Variants in TXNRD2 observed in about 807,000 individuals in gnomAD.
TXNRD2 encodes the protein thioredoxin reductase 2.
Under a neutral mutation model 70.8 loss-of-function variants are expected in TXNRD2, and 67 were observed. The ratio of observed to expected loss-of-function variants is 0.95; its 90% CI spans 0.78 to 1.16. The LOEUF (loss-of-function observed/expected upper bound fraction) is 1.16, where lower values mean the gene tolerates loss of function less well. Among genes scored for constraint, TXNRD2 ranks in the 50% most tolerant of loss-of-function variants. The pLI is 0.00. For missense variants in TXNRD2, 644 were observed against 719.9 expected (o/e 0.89, Z 1.21); for synonymous variants, 301 against 295.8 (o/e 1.02, Z -0.18).
At chr22:19,914,524 G>T (rs1940548295) in intron 7 of TXNRD2, among the ~76,000 whole-genome samples, 2 of 152,154 alleles carry the variant, frequency 1.3e-5, no homozygotes, top group South Asian at 2.1e-4. Flanking sequence ...GTCACTAAGG[G>T]ACACACACGT....
chr22:19,896,098 T>A (rs1002384251), intron 10 of TXNRD2, among the ~76,000 whole-genome samples: 2 of 151,902 alleles, frequency 1.3e-5, no homozygotes, highest in African/African-American at 4.8e-5. Flanking sequence ...GAGATAGAGA[T>A]CATCCTGGCT....
At chr22:19,914,876 G>A (rs568578226) in intron 7 of TXNRD2, 45 of 374,438 alleles carry the variant, frequency 1.2e-4, no homozygotes, top group African/African-American at 9.1e-4. Context: ...CTTATATCCT[G>A]AATGTTCCAA....
intron 9 of TXNRD2, 27 bp from the exon 10 acceptor site, chr22:19,898,157 G>A (rs749973189): frequency 1.3e-6 from 2 of 1,548,460 alleles, no homozygotes; most frequent in Non-Finnish European, 1.7e-6. Context: ...AAGGAGCACT[G>A]TAGATCCCAA....
Position 19,894,780 on chromosome 22 carries a change from G to A in TXNRD2, c.949+627C>T, listed in dbSNP as rs1051937903. The A allele has an allele frequency of 1.3e-5, 4 of 318,732 alleles. No homozygotes were observed. The Admixed American group carries it at 1.5e-4, about 12-fold the overall frequency. 19.7% of individuals were successfully genotyped at this position (318,732 alleles called of 1,614,324 possible). ...CAAGGCAGGTGGATCACAAGGTCAG[G>A]AGATTGAGACCATCCTGGCCTACAT... On this transcript the variant is annotated intron_variant, in intron 11 of 17. Transcript: ENST00000400521.
chr22:19,910,302 T>C (rs1347139350), intron 8 of TXNRD2, among the ~76,000 whole-genome samples: 1 of 152,214 alleles, frequency 6.6e-6, no homozygotes, highest in Non-Finnish European at 1.5e-5. Context: ...ACAATCAAGA[T>C]GTTGTTTCTG....
chr22:19,930,891 G>C, intron 2 of TXNRD2, 139 bp downstream of exon 2: 2 of 768,544 alleles, frequency 2.6e-6, no homozygotes, highest in African/African-American at 1.7e-5. Flanking sequence ...CAGGGAACAA[G>C]CCACAACACA....
intron 8 of TXNRD2, among the ~76,000 whole-genome samples, chr22:19,910,547 T>C (rs1345044068): frequency 6.6e-6 from 1 of 152,180 alleles, no homozygotes; most frequent in Non-Finnish European, 1.5e-5. Context: ...CTGTTATTGT[T>C]ATTACCTCCA....
intron 5 of TXNRD2, chr22:19,916,235 CA>C (rs1329830275): frequency 3.4e-6 from 1 of 291,140 alleles, no homozygotes; most frequent in Non-Finnish European, 6.7e-6. Context: ...CTTCTGATTT[CA>C]GGGGTGTGGT....
intron 2 of TXNRD2, among the ~76,000 whole-genome samples, chr22:19,928,457 G>A (rs950703581): frequency 6.6e-6 from 1 of 152,220 alleles, no homozygotes; most frequent in African/African-American, 2.4e-5. Flanking sequence ...CTGAGTGAAA[G>A]AAGCCAGAAG....
At chr22:19,879,509 G>A (rs1938658053) in intron 14 of TXNRD2, among the ~76,000 whole-genome samples, 1 of 145,812 alleles carries the variant, frequency 6.9e-6, no homozygotes, top group South Asian at 2.4e-4. Context: ...GCCTGAGCCT[G>A]GAAGAAGCTG....
At chr22:19,940,872 C>T (rs1435688474) in intron 1 of TXNRD2, among the ~76,000 whole-genome samples, 1 of 152,154 alleles carries the variant, frequency 6.6e-6, no homozygotes, top group Non-Finnish European at 1.5e-5. Flanking sequence ...TCCATAGCAC[C>T]AACTCTGCCC....
chr22:19,930,351 T>A (rs1941310928), intron 2 of TXNRD2, among the ~76,000 whole-genome samples: 1 of 152,050 alleles, frequency 6.6e-6, no homozygotes, highest in African/African-American at 2.4e-5. Context: ...CTCTTATCAT[T>A]GTGTAGACAT....
intron 11 of TXNRD2, among the ~76,000 whole-genome samples, chr22:19,885,225 C>G (rs1471188126): frequency 6.6e-6 from 1 of 152,200 alleles, no homozygotes; most frequent in African/African-American, 2.4e-5. Flanking sequence ...CCCAGGTGCT[C>G]TCGGCTCCCA....
chr22:19,933,463 TG>T (rs1437930352), intron 1 of TXNRD2: 1 of 1,289,636 alleles, frequency 7.8e-7, no homozygotes, highest in Non-Finnish European at 1.0e-6. Context: ...TCCTTCTTGT[TG>T]CCATAGCAGG....
intron 12 of TXNRD2, chr22:19,881,016 C>T: frequency 1.8e-6 from 1 of 547,872 alleles, no homozygotes. Flanking sequence ...CTCTCCAAAC[C>T]CCTTCTGCAC....
At chr22:19,930,989 A>C in intron 2 of TXNRD2, 41 bp downstream of exon 2, 2 of 1,597,752 alleles carry the variant, frequency 1.3e-6, no homozygotes, top group Non-Finnish European at 1.7e-6. Context: ...AGGGGCCCTA[A>C]AAGCTTCGAG....
rs1487936380 is a variant in TXNRD2, at chr22:19,875,811, CCAA to C, written c.*66-7_*66-5del. 1 of 152,316 alleles carries C rather than the reference CCAA, an allele frequency of 6.6e-6. No individual in the cohort carries two copies. The highest frequency in any genetic ancestry group is 1.5e-5 in the Non-Finnish European group (1 of 68,188). 9.4% of individuals were successfully genotyped at this position (152,316 alleles called of 1,614,324 possible). On this transcript the variant is annotated splice_polypyrimidine_tract_variant and splice_region_variant and intron_variant, in intron 17 of 17. Transcript: ENST00000400521. ...CCAAACCTGGCCTGCAGCCATCCTGCCAACAACAGGAAGGTCAGCACAGGTCAG... is the reference window on the plus strand; with the variant it reads ...CCAAACCTGGCCTGCAGCCATCCTGCCAACAGGAAGGTCAGCACAGGTCAG...
chr22:19,939,461 C>T (rs1411245550), intron 1 of TXNRD2, among the ~76,000 whole-genome samples: 1 of 152,208 alleles, frequency 6.6e-6, no homozygotes, highest in African/African-American at 2.4e-5. Flanking sequence ...TTCTGTCTCA[C>T]CAGTTTCCCC....
intron 8 of TXNRD2, among the ~76,000 whole-genome samples, chr22:19,909,205 CAAAA>C (rs199938429): frequency 4.1e-5 from 3 of 73,722 alleles, no homozygotes; most frequent in Non-Finnish European, 9.3e-5. Flanking sequence ...GACTCTGTTT[CAAAA>C]AAAAAAAAAA....
Sources: allele counts gnomAD v4.1 joint callset (sites outside exome capture counted in the v4.1 genomes callset), GRCh38; gene constraint gnomAD v4.1.1; transcripts MANE v1.5; gene names NCBI Gene and HGNC (gene_info 2026-07-23, HGNC 2026-07-21).